Variants in SPAG16 observed in about 807,000 individuals in gnomAD.
SPAG16 encodes the protein sperm associated antigen 16.
In SPAG16, 86 loss-of-function variants were observed where a neutral mutation model predicts 80.4. The observed-to-expected ratio is 1.07, with a 90% CI of 0.90 to 1.28. SPAG16 has a LOEUF of 1.28. Among genes scored for constraint, SPAG16 ranks in the 50% most tolerant of loss-of-function variants. The pLI is 0.00. For missense variants in SPAG16, 870 were observed against 765.3 expected, an observed-to-expected ratio of 1.14 and a Z score of -1.61; for synonymous variants, 294 against 265.9, an observed-to-expected ratio of 1.11 and a Z score of -1.03.
At chr2:214,054,870 C>T (rs1244198803) in intron 13 of SPAG16, among the ~76,000 whole-genome samples, 1 of 152,116 alleles carries the variant, frequency 6.6e-6, no homozygotes, top group Non-Finnish European at 1.5e-5. Context: ...TGACAATTAG[C>T]AGTATTCTAT....
At chr2:214,407,928 T>C (rs920605901) in intron 15 of SPAG16, among the ~76,000 whole-genome samples, 1 of 152,156 alleles carries the variant, frequency 6.6e-6, no homozygotes, top group Non-Finnish European at 1.5e-5. Flanking sequence ...CTTATATTCA[T>C]TTTAGGAATT....
intron 11 of SPAG16, among the ~76,000 whole-genome samples, chr2:213,891,443 G>GGATCA (rs1411079308): frequency 2.0e-5 from 3 of 152,006 alleles, no homozygotes; most frequent in Admixed American, 2.0e-4. Context: ...ATCATTCTGA[G>GGATCA]GTGATCTGAC....
chr2:213,764,593 C>G (rs2068834688), intron 10 of SPAG16, among the ~76,000 whole-genome samples: 1 of 151,982 alleles, frequency 6.6e-6, no homozygotes. Flanking sequence ...ATTTATATAG[C>G]TAAATTGTTT....
chr2:213,623,754 GA>G (rs2061864401), intron 10 of SPAG16, among the ~76,000 whole-genome samples: 1 of 151,992 alleles, frequency 6.6e-6, no homozygotes, highest in Non-Finnish European at 1.5e-5. Flanking sequence ...ACTGACCTCT[GA>G]AAATAATAAA....
At chr2:214,175,877 G>T (rs1184270222) in intron 15 of SPAG16, among the ~76,000 whole-genome samples, 2 of 151,312 alleles carry the variant, frequency 1.3e-5, no homozygotes, top group African/African-American at 4.8e-5. Context: ...ATGTATAAAG[G>T]TGCAGATGAG....
At chr2:213,311,479 G>A (rs753249196) in intron 4 of SPAG16, among the ~76,000 whole-genome samples, 6 of 151,546 alleles carry the variant, frequency 4.0e-5, no homozygotes, top group Non-Finnish European at 7.4e-5. Context: ...GGTGACTATT[G>A]TCATATTTTC....
chr2:213,816,369 T>A (rs2072535973), intron 10 of SPAG16, among the ~76,000 whole-genome samples: 1 of 152,166 alleles, frequency 6.6e-6, no homozygotes, highest in Admixed American at 6.5e-5. Context: ...AGCTTATAGC[T>A]ATGAACATTC....
intron 15 of SPAG16, among the ~76,000 whole-genome samples, chr2:214,344,063 A>G (rs879304597): frequency 3.3e-5 from 5 of 152,130 alleles, no homozygotes; most frequent in Non-Finnish European, 7.4e-5. Context: ...CAACCCTCAT[A>G]CTTTCACTGA....
Position 213,938,333 on chromosome 2 carries a change from GAGGTAAAA to G in SPAG16, c.1400+8190_1400+8197del, listed in dbSNP as rs923968580. On this transcript the variant is annotated intron_variant, in intron 12 of 15. Transcript: ENST00000331683. The stretch of plus-strand genomic sequence containing the variant: ...AATGATATGTAGCCATAGTCCATCT[GAGGTAAAA>G]AATGAAAATCACGTTTGTTTTATAT... Among the ~76,000 whole-genome samples, 38 of 151,968 alleles carry G rather than the reference GAGGTAAAA, an allele frequency of 2.5e-4. 1 individual carries two copies. The highest frequency in any genetic ancestry group is 8.4e-4 in the African/African-American group (35 of 41,514).
At chr2:214,385,843 C>T (rs1700718032) in intron 15 of SPAG16, among the ~76,000 whole-genome samples, 1 of 152,078 alleles carries the variant, frequency 6.6e-6, no homozygotes, top group Admixed American at 6.5e-5. Context: ...GACTCTTTCT[C>T]AAAATATAAT....
At chr2:214,368,825 T>C (rs767765794) in intron 15 of SPAG16, among the ~76,000 whole-genome samples, 9 of 152,114 alleles carry the variant, frequency 5.9e-5, no homozygotes, top group Admixed American at 2.6e-4. Context: ...GCTGAAACCC[T>C]TATACCTCTA....
chr2:213,567,312 A>G, intron 10 of SPAG16, among the ~76,000 whole-genome samples: 1 of 135,996 alleles, frequency 7.4e-6, no homozygotes, highest in Non-Finnish European at 1.6e-5. Context: ...TACATGTGCC[A>G]TGCTGGTGCG....
At chr2:213,645,527 G>T (rs1306626777) in intron 10 of SPAG16, among the ~76,000 whole-genome samples, 1 of 152,152 alleles carries the variant, frequency 6.6e-6, no homozygotes, top group African/African-American at 2.4e-5. Context: ...CTGGCCCAGG[G>T]TGTTTGTCTA....
chr2:213,675,448 G>T (rs2064012561), intron 10 of SPAG16, among the ~76,000 whole-genome samples: 1 of 152,172 alleles, frequency 6.6e-6, no homozygotes, highest in South Asian at 2.1e-4. Flanking sequence ...TTTTAGACAT[G>T]AAGTCCTTGC....
At position 213,961,504 on chromosome 2, in the gene SPAG16, A is replaced by G. The variant is rs540564697; in HGVS notation, c.1400+31359A>G. ...TTTAGGATGAAAACTTTCATCTTTC[A>G]TTATTAAATATGTTGTTAGCTATTT... On this transcript the variant is annotated intron_variant, in intron 12 of 15. Coordinates refer to ENST00000331683, the MANE Select transcript of SPAG16 (RefSeq NM_024532.5). Among the ~76,000 whole-genome samples, 4 of 147,378 alleles carry G rather than the reference A, an allele frequency of 2.7e-5. No homozygotes were observed. In the South Asian group the frequency reaches 6.5e-4, roughly 24 times the overall value.
At chr2:213,475,247 G>T (rs937040856) in intron 9 of SPAG16, among the ~76,000 whole-genome samples, 2 of 152,140 alleles carry the variant, frequency 1.3e-5, no homozygotes, top group African/African-American at 2.4e-5. Context: ...CCCTAAATTT[G>T]TCTTAAGTCC....
intron 10 of SPAG16, among the ~76,000 whole-genome samples, chr2:213,792,576 C>CTTTTTTTTTT (rs11372174): frequency 3.8e-5 from 3 of 78,250 alleles, no homozygotes; most frequent in African/African-American, 9.7e-5. Context: ...AAATGAGTAT[C>CTTTTTTTTTT]TTTTTTTTTT....
At chr2:213,803,905 C>T (rs80280791) in intron 10 of SPAG16, among the ~76,000 whole-genome samples, 2,429 of 152,228 alleles carry the variant, frequency 0.016, 76 homozygotes, top group African/African-American at 0.055. Context: ...TGGCACAGGC[C>T]TTGAGTCTCT....
chr2:214,309,678 C>G (rs1413552113), intron 15 of SPAG16, among the ~76,000 whole-genome samples: 1 of 152,148 alleles, frequency 6.6e-6, no homozygotes, highest in Non-Finnish European at 1.5e-5. Context: ...ACTCAGCTCT[C>G]AACCTTTGGA....
Sources: allele counts gnomAD v4.1 joint callset (sites outside exome capture counted in the v4.1 genomes callset), GRCh38; gene constraint gnomAD v4.1.1; transcripts MANE v1.5; gene names NCBI Gene and HGNC (gene_info 2026-07-23, HGNC 2026-07-21).